CALN1: variants seen among roughly 807,000 people sequenced by gnomAD.
CALN1 encodes the protein calneuron 1.
In CALN1, 17 loss-of-function variants were observed where a neutral mutation model predicts 30.6. The ratio of observed to expected loss-of-function variants is 0.56; its 90% CI spans 0.38 to 0.83. CALN1 has a LOEUF of 0.83. CALN1 is among the 40% of genes least tolerant of loss of function. CALN1 has a pLI of 0.00. For missense variants in CALN1, 291 were observed against 354.9 expected, an observed-to-expected ratio of 0.82 and a Z score of 1.45; for synonymous variants, 156 against 131.4, an observed-to-expected ratio of 1.19 and a Z score of -1.28.
intron 5 of CALN1, among the ~76,000 whole-genome samples, chr7:71,890,862 T>C (rs1793202878): frequency 6.6e-6 from 1 of 151,144 alleles, no homozygotes; most frequent in African/African-American, 2.4e-5. Flanking sequence ...TCCTCCCACT[T>C]CAGCCTCCTG....
intron 3 of CALN1, among the ~76,000 whole-genome samples, chr7:72,153,700 A>G (rs1787442575): frequency 6.6e-6 from 1 of 151,970 alleles, no homozygotes; most frequent in African/African-American, 2.4e-5. Flanking sequence ...AAAAAGAAAA[A>G]AGAAAAAGAA....
At chr7:72,204,171 A>G (rs1482442361) in intron 3 of CALN1, among the ~76,000 whole-genome samples, 4 of 131,602 alleles carry the variant, frequency 3.0e-5, no homozygotes, top group Non-Finnish European at 6.4e-5. Flanking sequence ...TTTTTTTTGT[A>G]TTTTTATTAG....
At chr7:72,447,476 C>T, upstream of CALN1, among the ~76,000 whole-genome samples, 1 of 152,132 alleles carries the variant, frequency 6.6e-6, no homozygotes, top group East Asian at 1.9e-4. Context: ...GTCTTCCAGA[C>T]CGAGGGAAAG....
chr7:72,275,839 A>G (rs1477494958), intron 3 of CALN1, among the ~76,000 whole-genome samples: 1 of 152,150 alleles, frequency 6.6e-6, no homozygotes, highest in Admixed American at 6.5e-5. Context: ...TTGTCCAGGA[A>G]AGTGGAGGGC....
chr7:72,368,495 G>C (rs1804019449), intron 2 of CALN1, among the ~76,000 whole-genome samples: 1 of 151,716 alleles, frequency 6.6e-6, no homozygotes, highest in Admixed American at 6.6e-5. Context: ...TTGAGTGTGT[G>C]ATAAATTTAT....
At chr7:72,180,524 C>CTTTTTT (rs35465505) in intron 3 of CALN1, among the ~76,000 whole-genome samples, 1 of 113,668 alleles carries the variant, frequency 8.8e-6, no homozygotes, top group Non-Finnish European at 1.9e-5. Flanking sequence ...AGAAGGTGTC[C>CTTTTTT]TTTTTTTTTT....
At chr7:72,263,571 T>G (rs1796418025) in intron 3 of CALN1, among the ~76,000 whole-genome samples, 1 of 151,976 alleles carries the variant, frequency 6.6e-6, no homozygotes, top group Non-Finnish European at 1.5e-5. Context: ...AACTTTTTAA[T>G]TTTTTGTACA....
In CALN1 at chr7:72,388,894, C is replaced by T. The variant is rs112320680; in HGVS notation, c.119+14357G>A. 4.6e-3 allele frequency among the ~76,000 whole-genome samples: 708 copies of T among 152,274 alleles called. 2 individuals are homozygous for T. Among genetic ancestry groups the T allele is most frequent in the African/African-American group, 0.016 (671 of 41,560 alleles). ...AGTTGGTGCAATGCTTTCAGGATTCCTGGTATCTGCCCTGAGTGTTTGGGC... is the reference window on the plus strand; with the variant it reads ...AGTTGGTGCAATGCTTTCAGGATTCTTGGTATCTGCCCTGAGTGTTTGGGC... On this transcript the variant is annotated intron_variant, in intron 2 of 6. Transcript: ENST00000395275.
At chr7:71,872,177 T>G (rs1463768045) in intron 5 of CALN1, among the ~76,000 whole-genome samples, 1 of 152,192 alleles carries the variant, frequency 6.6e-6, no homozygotes, top group Non-Finnish European at 1.5e-5. Context: ...GTTTGCACAT[T>G]TGATCTTCCT....
intron 2 of CALN1, among the ~76,000 whole-genome samples, chr7:72,388,337 G>GT (rs1805367855): frequency 6.6e-6 from 1 of 151,900 alleles, no homozygotes; most frequent in Non-Finnish European, 1.5e-5. Context: ...CCTGGACATG[G>GT]TCTCAGGAGT....
intron 4 of CALN1, among the ~76,000 whole-genome samples, chr7:72,032,825 T>C: frequency 6.6e-6 from 1 of 151,924 alleles, no homozygotes; most frequent in East Asian, 1.9e-4. Context: ...GTCTGAAGTC[T>C]CTTCCACCAG....
intron 4 of CALN1, among the ~76,000 whole-genome samples, chr7:72,076,446 A>G (rs1804733298): frequency 6.6e-6 from 1 of 151,342 alleles, no homozygotes. Context: ...TAAAAATACA[A>G]AATTAGCCAG....
intron 2 of CALN1, among the ~76,000 whole-genome samples, chr7:72,356,959 T>TG (rs886269595): frequency 3.9e-5 from 6 of 151,908 alleles, no homozygotes; most frequent in African/African-American, 1.5e-4. Flanking sequence ...GGTTTTGCTT[T>TG]GGTTTTGTTT....
intron 3 of CALN1, among the ~76,000 whole-genome samples, chr7:72,150,807 G>A (rs929332535): frequency 1.3e-5 from 2 of 152,126 alleles, no homozygotes; most frequent in Admixed American, 1.3e-4. Flanking sequence ...ACTCAGTAAT[G>A]TAAAACATGC....
chr7:72,359,976 C>CAAAAAAAAAAAA (rs750054515), intron 2 of CALN1, among the ~76,000 whole-genome samples: 1,395 of 62,726 alleles, frequency 0.022, 131 homozygotes, highest in African/African-American at 0.025. Flanking sequence ...GACTCCATCT[C>CAAAAAAAAAAAA]AAAAAAAAAA....
intron 3 of CALN1, among the ~76,000 whole-genome samples, chr7:72,231,692 AC>A (rs1794117819): frequency 6.6e-6 from 1 of 152,112 alleles, no homozygotes; most frequent in African/African-American, 2.4e-5. Context: ...ATACGTAGGT[AC>A]CTATAGGAAA....
intron 3 of CALN1, among the ~76,000 whole-genome samples, chr7:72,260,802 T>C (rs2129552756): frequency 6.6e-6 from 1 of 152,222 alleles, no homozygotes; most frequent in Admixed American, 6.5e-5. Flanking sequence ...CAGCACCAGA[T>C]GGCAGAGAAG....
intron 5 of CALN1, among the ~76,000 whole-genome samples, chr7:71,888,494 A>C (rs2116866498): frequency 6.6e-6 from 1 of 150,916 alleles, no homozygotes; most frequent in East Asian, 2.0e-4. Context: ...AAACAAAAAA[A>C]CAAAACAAAA....
intron 6 of CALN1, among the ~76,000 whole-genome samples, chr7:71,801,806 G>A (rs539025699): frequency 5.3e-5 from 8 of 151,762 alleles, no homozygotes; most frequent in South Asian, 2.1e-4. Context: ...GTGAAACCCC[G>A]TCTCTACTAA....
Sources: allele counts gnomAD v4.1 joint callset (sites outside exome capture counted in the v4.1 genomes callset), GRCh38; gene constraint gnomAD v4.1.1; transcripts MANE v1.5; gene names NCBI Gene and HGNC (gene_info 2026-07-23, HGNC 2026-07-21).